TRPC5: variants seen among roughly 807,000 people sequenced by gnomAD.
TRPC5 encodes the protein transient receptor potential cation channel subfamily C member 5.
A neutral mutation model predicts 56.5 loss-of-function variants in TRPC5; 9 were observed. That is an observed-to-expected ratio of 0.16 (90% CI 0.10 to 0.28). TRPC5 has a LOEUF of 0.28. Ranked by LOEUF, TRPC5 falls within the 10% of genes least tolerant of loss-of-function variation. TRPC5 has a pLI of 1.00. For missense variants in TRPC5, 469 were observed against 748.9 expected (o/e 0.63, Z 4.36); for synonymous variants, 282 against 278.5 (o/e 1.01, Z -0.13).
chrX:111,958,912 G>A (rs1231726529), intron 1 of TRPC5, among the ~76,000 whole-genome samples: 1 of 111,914 alleles, frequency 8.9e-6, no homozygotes, highest in Admixed American at 9.5e-5. Context: ...GATGATAAGC[G>A]CTAAAAGAAA....
At chrX:112,079,440 T>G (rs1930910896) in intron 1 of TRPC5, among the ~76,000 whole-genome samples, 1 of 112,251 alleles carries the variant, frequency 8.9e-6, no homozygotes, top group African/African-American at 3.2e-5. Context: ...CCTGGTACTA[T>G]GGAATTCTAT....
chrX:112,012,383 CTTTTCT>C lies in TRPC5; in HGVS notation c.-21-59948_-21-59943del, dbSNP rs759383607. 1.9e-4 allele frequency among the ~76,000 whole-genome samples: 21 copies of C among 109,993 alleles called. No homozygotes were observed. The East Asian group carries it at 2.8e-3, about 15-fold the overall frequency. On this transcript the variant is annotated intron_variant, in intron 1 of 10. Transcript: ENST00000262839. ...TGTCAAGTCTCTTTTTTTTTCTTTT[CTTTTCT>C]TTTTCTTTTTCTTTTTTTTGATGAA... is the stretch of plus-strand genomic sequence containing the variant.
chrX:111,906,088 C>T (rs1489038634), intron 3 of TRPC5, among the ~76,000 whole-genome samples: 1 of 110,865 alleles, frequency 9.0e-6, no homozygotes, highest in East Asian at 2.8e-4. Context: ...GGCGCGGTGG[C>T]TCACGCCTAT....
intron 1 of TRPC5, among the ~76,000 whole-genome samples, chrX:111,967,426 T>C (rs1927626288): frequency 1.8e-5 from 2 of 111,393 alleles, no homozygotes; most frequent in African/African-American, 3.3e-5. Flanking sequence ...ATAGATTCAA[T>C]GCCATCCCCA....
chrX:111,980,069 T>C (rs751367607), intron 1 of TRPC5, among the ~76,000 whole-genome samples: 4 of 111,669 alleles, frequency 3.6e-5, no homozygotes, highest in South Asian at 7.4e-4. Context: ...CTGGAAACAA[T>C]CCAGTTGTTC....
At chrX:112,033,752 A>T (rs1225173305) in intron 1 of TRPC5, among the ~76,000 whole-genome samples, 7 of 111,593 alleles carry the variant, frequency 6.3e-5, no homozygotes, top group Non-Finnish European at 1.1e-4. Flanking sequence ...ATATTTAGTT[A>T]TCTCAGCACC....
chrX:111,902,109 A>G (rs1410272821), intron 3 of TRPC5: 3 of 1,152,665 alleles, frequency 2.6e-6, no homozygotes, highest in African/African-American at 1.8e-5. Context: ...TTTGATATAG[A>G]TCAGGCTATG....
rs925161447 is a variant in TRPC5, at chrX:111,768,750, G to T, written c.*7563C>A. On this transcript the variant is annotated 3_prime_UTR_variant, in exon 11 of 11. Transcript: ENST00000262839. ...CCACAGACTAATGTGTTAACCCTTTGGGTTTAGAGGACTCTTCATGTGCTC... is the reference window on the plus strand; with the variant it reads ...CCACAGACTAATGTGTTAACCCTTTTGGTTTAGAGGACTCTTCATGTGCTC... 9.0e-6 allele frequency among the ~76,000 whole-genome samples: 1 copy of T among 111,362 alleles called. No homozygotes were observed. Among genetic ancestry groups the T allele is most frequent in the Non-Finnish European group, 1.9e-5 (1 of 52,934 alleles).
chrX:111,913,698 C>T (rs1448709893), intron 2 of TRPC5, among the ~76,000 whole-genome samples: 2 of 111,646 alleles, frequency 1.8e-5, no homozygotes, highest in African/African-American at 3.3e-5. Flanking sequence ...CAGTGGCTCA[C>T]GCCTGTAATC....
chrX:112,022,519 G>A (rs975999972), intron 1 of TRPC5, among the ~76,000 whole-genome samples: 15 of 112,199 alleles, frequency 1.3e-4, no homozygotes, highest in Admixed American at 3.8e-4. Context: ...CAATACCTGT[G>A]TTGCATGGAT....
At chrX:111,934,073 A>G (rs763896470) in intron 2 of TRPC5, among the ~76,000 whole-genome samples, 1 of 110,078 alleles carries the variant, frequency 9.1e-6, no homozygotes, top group East Asian at 2.8e-4. Context: ...CCTACGCTTT[A>G]GGTTGTCTCT....
intron 1 of TRPC5, among the ~76,000 whole-genome samples, chrX:112,032,006 G>T (rs1246547937): frequency 1.8e-5 from 2 of 110,228 alleles, no homozygotes; most frequent in Non-Finnish European, 3.8e-5. Flanking sequence ...CTGATGAAAG[G>T]TTAATATCCA....
chrX:112,028,601 G>T (rs756802341), intron 1 of TRPC5, among the ~76,000 whole-genome samples: 1 of 111,908 alleles, frequency 8.9e-6, no homozygotes, highest in Non-Finnish European at 1.9e-5. Flanking sequence ...CAAAGGACAT[G>T]AACTCATCAT....
intron 1 of TRPC5, among the ~76,000 whole-genome samples, chrX:111,988,182 A>C: frequency 8.9e-6 from 1 of 111,956 alleles, no homozygotes; most frequent in Non-Finnish European, 1.9e-5. Context: ...CCTCTAAAGC[A>C]GATGCTTCTC....
chrX:111,922,515 T>A (rs1229617907), intron 2 of TRPC5, among the ~76,000 whole-genome samples: 1 of 112,526 alleles, frequency 8.9e-6, no homozygotes, highest in East Asian at 2.8e-4. Context: ...TCTGTATTAC[T>A]CAGAAGTGAA....
At chrX:111,798,637 A>G (rs776530619) in intron 7 of TRPC5, among the ~76,000 whole-genome samples, 7 of 111,669 alleles carry the variant, frequency 6.3e-5, no homozygotes, top group Non-Finnish European at 1.3e-4. Context: ...TGAATTCAGC[A>G]TAAGGACCAT....
chrX:112,050,800 T>C (rs1930194649), intron 1 of TRPC5, among the ~76,000 whole-genome samples: 1 of 111,626 alleles, frequency 9.0e-6, no homozygotes, highest in South Asian at 3.7e-4. Flanking sequence ...TAGAAAGGAG[T>C]CTGTCATCCA....
intron 2 of TRPC5, among the ~76,000 whole-genome samples, chrX:111,913,805 A>G (rs2148621147): frequency 9.1e-6 from 1 of 110,439 alleles, no homozygotes; most frequent in Admixed American, 9.6e-5. Flanking sequence ...CTAAAAATAC[A>G]AAAAATTAGC....
At chrX:112,044,654 C>T (rs181594649) in intron 1 of TRPC5, among the ~76,000 whole-genome samples, 235 of 112,203 alleles carry the variant, frequency 2.1e-3, no homozygotes, top group Middle Eastern at 4.6e-3. Context: ...CTACAGTTTG[C>T]TTTCTTCTCA....
Sources: gnomAD v4.1 joint callset for allele counts (sites outside exome capture counted in the v4.1 genomes callset) on GRCh38, gnomAD v4.1.1 for gene constraint, MANE v1.5 for transcripts, NCBI Gene and HGNC (gene_info 2026-07-23, HGNC 2026-07-21) for gene names.